The following ADGB variants were observed in gnomAD, a reference collection of about 807,000 sequenced individuals.
ADGB encodes the protein androglobin.
Under a neutral mutation model 210.5 loss-of-function variants are expected in ADGB, and 172 were observed. The observed-to-expected ratio is 0.82, with a 90% CI of 0.72 to 0.93. The LOEUF (loss-of-function observed/expected upper bound fraction) is 0.93, where lower values mean the gene tolerates loss of function less well. ADGB is among the 40% of genes least tolerant of loss of function. ADGB has a pLI of 0.00. For synonymous variants in ADGB, 658 were observed against 662.7 expected (o/e 0.99, Z 0.11); for missense variants, 2,025 against 1,964.8 (o/e 1.03, Z -0.58).
At chr6:146,693,574 A>C (rs992130003) in intron 12 of ADGB, among the ~76,000 whole-genome samples, 1 of 152,184 alleles carries the variant, frequency 6.6e-6, no homozygotes, top group Non-Finnish European at 1.5e-5. Flanking sequence ...TTTGGTACAG[A>C]GAAGTAGGGT....
intron 20 of ADGB, among the ~76,000 whole-genome samples, chr6:146,731,827 A>T (rs1426749624): frequency 6.6e-6 from 1 of 152,076 alleles, no homozygotes; most frequent in Non-Finnish European, 1.5e-5. Context: ...TTCTTCCCTC[A>T]AGAAATGTGT....
intron 29 of ADGB, among the ~76,000 whole-genome samples, chr6:146,775,643 C>T (rs1175690116): frequency 2.0e-5 from 3 of 151,992 alleles, no homozygotes; most frequent in African/African-American, 4.8e-5. Context: ...ATAAATTTGT[C>T]ATTCTCAAAA....
intron 13 of ADGB, among the ~76,000 whole-genome samples, chr6:146,703,186 T>G (rs1776517122): frequency 6.6e-6 from 1 of 151,940 alleles, no homozygotes; most frequent in South Asian, 2.1e-4. Context: ...GGAGACTTAT[T>G]CTTTATTAGA....
intron 11 of ADGB, among the ~76,000 whole-genome samples, chr6:146,691,538 C>T (rs188488907): frequency 0.021 from 1,820 of 87,626 alleles, 45 homozygotes; most frequent in Admixed American, 0.065. Flanking sequence ...GACGGAGTCT[C>T]GCTCTGTGGC....
At chr6:146,723,410 C>A (rs1317995204) in intron 17 of ADGB, among the ~76,000 whole-genome samples, 10 of 152,118 alleles carry the variant, frequency 6.6e-5, no homozygotes, top group Admixed American at 6.5e-4. Flanking sequence ...GCTATTTCTA[C>A]ATAATGTCAA....
intron 3 of ADGB, among the ~76,000 whole-genome samples, chr6:146,645,212 G>T (rs1420317890): frequency 1.3e-5 from 2 of 151,910 alleles, no homozygotes; most frequent in African/African-American, 2.4e-5. Flanking sequence ...TAGCATGGAG[G>T]TCTGTTTTCT....
chr6:146,658,095 T>C (rs546377031), intron 5 of ADGB, among the ~76,000 whole-genome samples: 1 of 152,274 alleles, frequency 6.6e-6, no homozygotes, highest in East Asian at 1.9e-4. Context: ...CTGAGCCATC[T>C]AGCTTCCTGG....
intron 35 of ADGB, chr6:146,803,733 A>G (rs1422453965): frequency 2.3e-6 from 2 of 872,508 alleles, no homozygotes; most frequent in East Asian, 5.1e-5. Context: ...CCGGCGCCTC[A>G]TGGTACCGCG....
chr6:146,599,499 A>C (rs1019463167), intron 1 of ADGB, among the ~76,000 whole-genome samples: 2 of 152,188 alleles, frequency 1.3e-5, no homozygotes, highest in African/African-American at 4.8e-5. Flanking sequence ...ACAGACAGCG[A>C]GTGACAGACA....
At chr6:146,685,611 C>A (rs1776220952) in intron 9 of ADGB, 123 bp from the exon 10 acceptor site, 4 of 474,480 alleles carry the variant, frequency 8.4e-6, no homozygotes, top group Non-Finnish European at 1.5e-5. Context: ...ATTTTGCATC[C>A]TTTATGTATT....
intron 1 of ADGB, among the ~76,000 whole-genome samples, chr6:146,600,963 C>T (rs1459868088): frequency 7.9e-6 from 1 of 126,122 alleles, no homozygotes; most frequent in African/African-American, 2.9e-5. Flanking sequence ...CACACACACA[C>T]ACAAATAACT....
chr6:146,760,288 T>G (rs1200150435), intron 27 of ADGB, among the ~76,000 whole-genome samples: 1 of 151,850 alleles, frequency 6.6e-6, no homozygotes, highest in African/African-American at 2.4e-5. Flanking sequence ...AGGCAATCAC[T>G]GTTCACATTT....
intron 10 of ADGB, among the ~76,000 whole-genome samples, chr6:146,687,238 A>G (rs1407410510): frequency 6.6e-6 from 1 of 152,112 alleles, no homozygotes; most frequent in Non-Finnish European, 1.5e-5. Flanking sequence ...ATGTACTTCT[A>G]AAGCCTCTCC....
intron 1 of ADGB, among the ~76,000 whole-genome samples, chr6:146,599,590 T>C (rs1780522689): frequency 6.6e-6 from 1 of 152,200 alleles, no homozygotes; most frequent in Non-Finnish European, 1.5e-5. Flanking sequence ...TAATCAGATA[T>C]AGTCAGACGT....
intron 35 of ADGB, chr6:146,802,576 C>G (rs1032041095): frequency 1.8e-5 from 9 of 495,826 alleles, no homozygotes; most frequent in Non-Finnish European, 2.5e-5. Context: ...TGCACTTTCA[C>G]CTCAATGAAA....
chr6:146,808,462 T>A (rs1185329784), intron 35 of ADGB, among the ~76,000 whole-genome samples: 3 of 152,156 alleles, frequency 2.0e-5, no homozygotes, highest in Non-Finnish European at 4.4e-5. Flanking sequence ...ATTTTCATGC[T>A]CACCAGTGTT....
chr6:146,640,434 C>A (rs1775490204), intron 2 of ADGB, among the ~76,000 whole-genome samples: 1 of 151,958 alleles, frequency 6.6e-6, no homozygotes, highest in Non-Finnish European at 1.5e-5. Flanking sequence ...ATCTTGATAA[C>A]AAAACCTGGC....
intron 5 of ADGB, among the ~76,000 whole-genome samples, chr6:146,659,144 C>T (rs891965383): frequency 7.9e-5 from 12 of 152,166 alleles, no homozygotes; most frequent in Middle Eastern, 6.8e-3. Flanking sequence ...GTTTTTTATC[C>T]GTTTCTTTCC....
intron 21 of ADGB, 83 bp from the exon 22 acceptor site, chr6:146,733,810 G>A (rs962144650): frequency 7.0e-7 from 1 of 1,425,638 alleles, no homozygotes; most frequent in Non-Finnish European, 9.6e-7. Flanking sequence ...ATATGTTGGA[G>A]GGCTTTGGCA....
Sources: gnomAD v4.1 joint callset for allele counts (sites outside exome capture counted in the v4.1 genomes callset) on GRCh38, gnomAD v4.1.1 for gene constraint, MANE v1.5 for transcripts, NCBI Gene and HGNC (gene_info 2026-07-23, HGNC 2026-07-21) for gene names.